Variants in DNAH12 observed in about 807,000 individuals in gnomAD.
DNAH12 encodes the protein dynein axonemal heavy chain 12.
Under a neutral mutation model 371.5 loss-of-function variants are expected in DNAH12, and 285 were observed. The observed-to-expected ratio is 0.77, with a 90% CI of 0.70 to 0.85. The LOEUF (loss-of-function observed/expected upper bound fraction) is 0.85, where lower values mean the gene tolerates loss of function less well. Ranked by LOEUF, DNAH12 falls within the 40% of genes least tolerant of loss-of-function variation. DNAH12 has a pLI of 0.00. For missense variants in DNAH12, 3,611 were observed against 3,689.4 expected, an observed-to-expected ratio of 0.98 and a Z score of 0.55; for synonymous variants, 1,200 against 1,213.0, an observed-to-expected ratio of 0.99 and a Z score of 0.22.
At chr3:57,335,149 G>A (rs2062194052) in intron 60 of DNAH12, among the ~76,000 whole-genome samples, 1 of 152,214 alleles carries the variant, frequency 6.6e-6, no homozygotes, top group African/African-American at 2.4e-5. Context: ...TGAGAGAAGA[G>A]AGGTGAATAA....
At chr3:57,505,340 C>T (rs2153392095) in intron 8 of DNAH12, among the ~76,000 whole-genome samples, 1 of 151,040 alleles carries the variant, frequency 6.6e-6, no homozygotes, top group East Asian at 1.9e-4. Flanking sequence ...TAATTTTTAG[C>T]TCCCACAAAT....
intron 49 of DNAH12, among the ~76,000 whole-genome samples, chr3:57,382,851 A>T (rs1300152425): frequency 6.6e-6 from 1 of 152,226 alleles, no homozygotes; most frequent in Admixed American, 6.5e-5. Context: ...GTTATAATAG[A>T]TAGTATAGAT....
chr3:57,339,303 A>G (rs1575474851), intron 60 of DNAH12, among the ~76,000 whole-genome samples: 1 of 151,480 alleles, frequency 6.6e-6, no homozygotes, highest in African/African-American at 2.4e-5. Flanking sequence ...TTATCTGCTG[A>G]CCTTCTCTCC....
intron 11 of DNAH12, among the ~76,000 whole-genome samples, chr3:57,491,922 C>G (rs1007550988): frequency 1.3e-5 from 2 of 152,060 alleles, no homozygotes; most frequent in African/African-American, 4.8e-5. Flanking sequence ...GGGAGGAACA[C>G]TTGAGCCCAG....
chr3:57,447,702 T>C (rs2065561151), intron 25 of DNAH12, among the ~76,000 whole-genome samples: 1 of 152,144 alleles, frequency 6.6e-6, no homozygotes, highest in African/African-American at 2.4e-5. Context: ...TGAGACCGGG[T>C]CTTGCTCTAT....
intron 4 of DNAH12, among the ~76,000 whole-genome samples, chr3:57,521,876 A>C (rs1004374977): frequency 8.6e-5 from 13 of 151,832 alleles, no homozygotes; most frequent in Non-Finnish European, 1.6e-4. Context: ...GACAAGAGGG[A>C]GACTGTGTCT....
chr3:57,298,141 C>T (rs978852472), intron 70 of DNAH12, among the ~76,000 whole-genome samples: 77 of 152,302 alleles, frequency 5.1e-4, no homozygotes, highest in African/African-American at 1.8e-3. Flanking sequence ...CCATCCTTCT[C>T]AGTCCAAGCT....
At chr3:57,303,501 T>C (rs1417680871) in intron 69 of DNAH12, among the ~76,000 whole-genome samples, 1 of 150,660 alleles carries the variant, frequency 6.6e-6, no homozygotes, top group Non-Finnish European at 1.5e-5. Context: ...AGCCTCCATC[T>C]CCCAGGCTCA....
chr3:57,302,567 ATTTTTTTTT>A (rs71088056), intron 69 of DNAH12, among the ~76,000 whole-genome samples: 1 of 27,484 alleles, frequency 3.6e-5, no homozygotes, highest in Non-Finnish European at 6.3e-5. Context: ...ATATATATGT[ATTTTTTTTT>A]TTTTTTTTTT....
intron 30 of DNAH12, 96 bp from the exon 31 acceptor site, chr3:57,433,924 T>C (rs1247545339): frequency 3.3e-5 from 36 of 1,075,538 alleles, no homozygotes; most frequent in Non-Finnish European, 4.0e-5. Flanking sequence ...TAATTACTAC[T>C]TATAATTTTT....
rs2066093628 is a variant in DNAH12 at position 57,462,777 on chromosome 3, G to A, written c.2448C>T (p.Asp816=). The A allele has an allele frequency of 1.3e-6, 2 of 1,551,470 alleles. No individual in the cohort carries two copies. The highest frequency in any genetic ancestry group is 1.7e-6 in the Non-Finnish European group (2 of 1,146,932). The change falls in exon 18 of 74, where the codon GAC becomes GAT. Residue 816 remains aspartate (D), a synonymous_variant. Coordinates refer to ENST00000495027, the MANE Select transcript of DNAH12 (RefSeq NM_001366028.2). ...SEIVGYDLTP[D]SGTTLRKVLK... ...AAACTTTTCTCAGTGTAGTTCCAGAGTCTGGAGTCAAGTCATAGCCTACAA... is the reference window on the plus strand; with the variant it reads ...AAACTTTTCTCAGTGTAGTTCCAGAATCTGGAGTCAAGTCATAGCCTACAA...
At chr3:57,533,632 C>T (rs952538974) in intron 2 of DNAH12, among the ~76,000 whole-genome samples, 1 of 152,188 alleles carries the variant, frequency 6.6e-6, no homozygotes, top group African/African-American at 2.4e-5. Flanking sequence ...AACGATGTGT[C>T]AATAAATGTA....
chr3:57,431,861 C>G (rs935063899), intron 32 of DNAH12, among the ~76,000 whole-genome samples: 2 of 152,156 alleles, frequency 1.3e-5, no homozygotes, highest in African/African-American at 4.8e-5. Flanking sequence ...CTTTTATCCT[C>G]AATTTTGCAA....
chr3:57,322,520 G>A, intron 64 of DNAH12, 37 bp from the exon 65 acceptor site: 1 of 1,532,704 alleles, frequency 6.5e-7, no homozygotes, highest in Non-Finnish European at 8.8e-7. Flanking sequence ...ATACAAGATA[G>A]CAAGTGGAGG....
intron 45 of DNAH12, among the ~76,000 whole-genome samples, chr3:57,391,284 C>T (rs1369717530): frequency 2.6e-5 from 4 of 152,112 alleles, no homozygotes; most frequent in Non-Finnish European, 5.9e-5. Flanking sequence ...TCCAATGGAA[C>T]AAAAATGCTG....
At chr3:57,400,646 T>G (rs1027924047) in intron 43 of DNAH12, among the ~76,000 whole-genome samples, 66 of 152,256 alleles carry the variant, frequency 4.3e-4, no homozygotes, top group African/African-American at 1.6e-3. Flanking sequence ...TATGTGAATG[T>G]GGTCCCTTTC....
In DNAH12 at chr3:57,507,687, A is replaced by G. The variant is rs1219270079; in HGVS notation, c.853T>C (p.Leu285=). 3 of 1,609,908 alleles carry G rather than the reference A, an allele frequency of 1.9e-6. No homozygotes were observed. The highest frequency in any genetic ancestry group is 2.2e-5 in the South Asian group (2 of 89,836). Residue 285 remains leucine, a synonymous_variant, in exon 8 of 74, where the codon TTG becomes CTG. Coordinates refer to ENST00000495027, the MANE Select transcript of DNAH12 (RefSeq NM_001366028.2). ...EALEGVKPEK[L]DAFYSCVSTL... ...GAAACACAGCTATAAAATGCATCCAATTTTTCAGGTTTAACACCTTCTAGT... is the reference window on the plus strand; with the variant it reads ...GAAACACAGCTATAAAATGCATCCAGTTTTTCAGGTTTAACACCTTCTAGT...
intron 29 of DNAH12, among the ~76,000 whole-genome samples, chr3:57,440,585 T>C (rs917419673): frequency 6.6e-6 from 1 of 152,230 alleles, no homozygotes; most frequent in African/African-American, 2.4e-5. Context: ...CTATGCTCAG[T>C]ACCTGGGTGA....
At chr3:57,296,667 C>T (rs536375108) in intron 71 of DNAH12, among the ~76,000 whole-genome samples, 180 bp downstream of exon 71, 12 of 152,160 alleles carry the variant, frequency 7.9e-5, no homozygotes, top group African/African-American at 2.9e-4. Context: ...AGAAGAACAG[C>T]GTTGGATTAT....
Sources: allele counts gnomAD v4.1 joint callset (sites outside exome capture counted in the v4.1 genomes callset), GRCh38; gene constraint gnomAD v4.1.1; transcripts MANE v1.5; gene names NCBI Gene and HGNC (gene_info 2026-07-23, HGNC 2026-07-21).